GLUD1: variants seen among roughly 807,000 people sequenced by gnomAD.
GLUD1 encodes glutamate dehydrogenase 1, mitochondrial.
A neutral mutation model predicts 56.0 loss-of-function variants in GLUD1; 22 were observed. That is an observed-to-expected ratio of 0.39 (90% confidence interval 0.28 to 0.56). The LOEUF is 0.56. Ranked by LOEUF, GLUD1 falls within the 20% of genes least tolerant of loss-of-function variation. The probability of loss-of-function intolerance (pLI) is 0.58; values close to 1 mark genes in which losing one functional copy is unlikely to be tolerated. For missense variants in GLUD1, 451 were observed against 732.0 expected (o/e 0.62, Z 4.43); for synonymous variants, 223 against 269.9 (o/e 0.83, Z 1.70).
At position 87,089,758 on chromosome 10, in the gene GLUD1, T is replaced by C. The variant is rs1158788743; in HGVS notation, c.445+4567A>G. 5.2e-6 allele frequency: 5 copies of C among 964,126 alleles called. No individual in the cohort carries two copies. In the African/African-American group the frequency reaches 7.0e-5, roughly 14 times the overall value. 59.7% of individuals were successfully genotyped at this position (964,126 alleles called of 1,614,324 possible). A position where few individuals can be genotyped will look rare whatever the true frequency, so the allele number is the denominator to read the frequency against. ...CATATTAACAATTCCGACTTGATAG[T>C]GAACACTTGAATCTGTATTAATTTC... On this transcript the variant is annotated intron_variant, in intron 1 of 12. Coordinates refer to ENST00000277865, the MANE Select transcript of GLUD1 (RefSeq NM_005271.5).
chr10:87,074,317 A>G (rs1389220440), intron 4 of GLUD1, among the ~76,000 whole-genome samples: 1 of 152,156 alleles, frequency 6.6e-6, no homozygotes, highest in Non-Finnish European at 1.5e-5. Flanking sequence ...CCTGACCAAC[A>G]TGGCAAAGCC....
At chr10:87,082,636 A>G (rs563165818) in intron 1 of GLUD1, among the ~76,000 whole-genome samples, 10 of 152,356 alleles carry the variant, frequency 6.6e-5, no homozygotes, top group Admixed American at 5.2e-4. Context: ...GCTAAAGAAG[A>G]AACATTTTCA....
chr10:87,087,015 G>T (rs7068848), intron 1 of GLUD1, among the ~76,000 whole-genome samples: 101,100 of 151,892 alleles, frequency 0.67, 34,113 homozygotes, highest in East Asian at 0.84. Flanking sequence ...GGGCTCAGTC[G>T]CACAAGACTG....
chr10:87,083,861 CTGTTA>C (rs1320419127), intron 1 of GLUD1, among the ~76,000 whole-genome samples: 1 of 152,064 alleles, frequency 6.6e-6, no homozygotes, highest in African/African-American at 2.4e-5. Context: ...TCTTAAAACT[CTGTTA>C]GACTCCATTG....
intron 5 of GLUD1, among the ~76,000 whole-genome samples, chr10:87,066,778 T>C (rs1846087318): frequency 6.6e-6 from 1 of 152,238 alleles, no homozygotes; most frequent in South Asian, 2.1e-4. Flanking sequence ...GCCCTGCATG[T>C]AGTAGGCATA....
chr10:87,070,998 G>A (rs1420299545), intron 4 of GLUD1, among the ~76,000 whole-genome samples: 4 of 151,010 alleles, frequency 2.6e-5, no homozygotes, highest in African/African-American at 9.7e-5. Flanking sequence ...GCGTGGTGGC[G>A]GGCGCCTGTA....
At chr10:87,085,359 A>AC (rs1393848383) in intron 1 of GLUD1, among the ~76,000 whole-genome samples, 3 of 151,896 alleles carry the variant, frequency 2.0e-5, no homozygotes, top group Non-Finnish European at 4.4e-5. Flanking sequence ...AAAAAAAAAA[A>AC]AAAAAACCAG....
intron 5 of GLUD1, among the ~76,000 whole-genome samples, chr10:87,067,101 T>C (rs999492363): frequency 1.3e-5 from 2 of 152,270 alleles, no homozygotes; most frequent in Non-Finnish European, 2.9e-5. Flanking sequence ...GGTTCTCTCC[T>C]GGCGCCAGCA....
chr10:87,052,255 G>A (rs1264700450), intron 12 of GLUD1, among the ~76,000 whole-genome samples: 2 of 152,190 alleles, frequency 1.3e-5, no homozygotes, highest in Non-Finnish European at 2.9e-5. Flanking sequence ...GGGAGGCTGA[G>A]GCAGGTGGAT....
Position 87,094,037 on chromosome 10 carries a change from C to T in GLUD1, c.445+288G>A. 1 of 1,494,768 alleles carries T rather than the reference C, an allele frequency of 6.7e-7. No homozygotes were observed. Among genetic ancestry groups the T allele is most frequent in the South Asian group, 1.2e-5 (1 of 82,894 alleles). 92.6% of individuals were successfully genotyped at this position (1,494,768 alleles called of 1,614,324 possible). A position where few individuals can be genotyped will look rare whatever the true frequency, so the allele number is the denominator to read the frequency against. On this transcript the variant is annotated intron_variant, in intron 1 of 12. Transcript: ENST00000277865. This position sits in a 1 kb window ranked among gnomAD's most constrained non-coding sequence, Gnocchi z 6.6. The stretch of plus-strand genomic sequence containing the variant: ...GCCGTGTGTGACACAGACACCGGGA[C>T]CAAAAGGAGACCGGTGCAGCGTCTA...
intron 1 of GLUD1, among the ~76,000 whole-genome samples, chr10:87,080,030 C>A (rs1348466404): frequency 6.6e-6 from 1 of 151,494 alleles, no homozygotes; most frequent in Non-Finnish European, 1.5e-5. Flanking sequence ...CTCACTGCAA[C>A]CTCCCTGCCT....
intron 5 of GLUD1, among the ~76,000 whole-genome samples, chr10:87,064,207 C>T (rs1477424660): frequency 1.3e-5 from 2 of 152,130 alleles, no homozygotes; most frequent in Non-Finnish European, 2.9e-5. Flanking sequence ...GCCACCGCGC[C>T]TGGCCTGTCC....
intron 1 of GLUD1, among the ~76,000 whole-genome samples, chr10:87,082,168 T>G (rs1469480899): frequency 3.9e-5 from 6 of 152,176 alleles, no homozygotes; most frequent in Non-Finnish European, 7.3e-5. Context: ...GAACCAATGA[T>G]ATTCATAAAT....
intron 8 of GLUD1, 50 bp downstream of exon 8, chr10:87,060,638 A>T: frequency 6.2e-7 from 1 of 1,610,312 alleles, no homozygotes; most frequent in Non-Finnish European, 8.5e-7. Context: ...TGACCCCCCT[A>T]ACGTCATTCA....
chr10:87,059,398 G>A, intron 9 of GLUD1, 125 bp from the exon 10 acceptor site: 1 of 922,358 alleles, frequency 1.1e-6, no homozygotes, highest in Non-Finnish European at 1.8e-6. Context: ...ATATATTTTA[G>A]CCAGTATCAG....
At chr10:87,056,953 C>T (rs1350445485) in intron 11 of GLUD1, among the ~76,000 whole-genome samples, 3 of 151,980 alleles carry the variant, frequency 2.0e-5, no homozygotes, top group African/African-American at 7.3e-5. Flanking sequence ...AAGAAGTTTC[C>T]CTCCCTCCAT....
intron 11 of GLUD1, among the ~76,000 whole-genome samples, chr10:87,055,223 G>C (rs1845737754): frequency 1.3e-5 from 2 of 152,192 alleles, no homozygotes; most frequent in South Asian, 4.2e-4. Context: ...TCAGGGCTTA[G>C]GTGTTAACAA....
intron 2 of GLUD1, 65 bp from the exon 3 acceptor site, chr10:87,076,088 A>G (rs1846384248): frequency 3.7e-6 from 4 of 1,084,280 alleles, no homozygotes; most frequent in East Asian, 2.3e-5. Flanking sequence ...GACAGAAAGC[A>G]CCACACAATA....
intron 11 of GLUD1, among the ~76,000 whole-genome samples, chr10:87,055,686 G>C (rs1845752910): frequency 6.6e-6 from 1 of 152,172 alleles, no homozygotes; most frequent in African/African-American, 2.4e-5. Flanking sequence ...TAGGAAATAG[G>C]AAGTTTACTG....
Sources: allele counts gnomAD v4.1 joint callset (sites outside exome capture counted in the v4.1 genomes callset), GRCh38; gene constraint gnomAD v4.1.1; non-coding constraint Gnocchi (gnomAD v3.1); transcripts MANE v1.5; gene names NCBI Gene and HGNC (gene_info 2026-07-23, HGNC 2026-07-21).